The following RAB9B variants were observed in gnomAD, a reference collection of about 807,000 sequenced individuals.
The protein encoded by RAB9B is ras-related protein Rab-9B.
Under a neutral mutation model 8.9 loss-of-function variants are expected in RAB9B, and 1 was observed. The ratio of observed to expected loss-of-function variants is 0.11; its 90% CI spans 0.04 to 0.53. The LOEUF is 0.53. Ranked by LOEUF, RAB9B falls within the 20% of genes least tolerant of loss-of-function variation. The probability of loss-of-function intolerance (pLI) is 0.93; values close to 1 mark genes in which losing one functional copy is unlikely to be tolerated. For missense variants in RAB9B, 82 were observed against 152.9 expected (o/e 0.54, Z 2.45); for synonymous variants, 63 against 57.0 (o/e 1.10, Z -0.47).
chrX:103,803,727 T>C, the RAB9B span, among the ~76,000 whole-genome samples: 1 of 112,369 alleles, frequency 8.9e-6, no homozygotes, highest in Non-Finnish European at 1.9e-5. Context: ...TACATGCACA[T>C]GCCATCAGGC....
At chrX:103,828,092 T>C (rs1391462388) in intron 1 of RAB9B, among the ~76,000 whole-genome samples, 2 of 111,917 alleles carry the variant, frequency 1.8e-5, no homozygotes, top group African/African-American at 6.5e-5. Context: ...AGTACTGGTT[T>C]AAGAAGAAAA....
chrX:103,830,305 T>C (rs577604039), intron 1 of RAB9B, among the ~76,000 whole-genome samples: 2 of 111,252 alleles, frequency 1.8e-5, no homozygotes, highest in Admixed American at 1.9e-4. Flanking sequence ...TAAAAGCAAA[T>C]GAAATCATTT....
chrX:103,808,426 C>T, the RAB9B span, among the ~76,000 whole-genome samples: 1 of 112,266 alleles, frequency 8.9e-6, no homozygotes, highest in Non-Finnish European at 1.9e-5. Context: ...GAGCCGTAAA[C>T]TGTCAGGTCT....
the RAB9B span, chrX:103,786,052 G>C: frequency 1.4e-5 from 14 of 1,036,016 alleles, no homozygotes; most frequent in Middle Eastern, 6.4e-4. Flanking sequence ...CCAAGTTGGA[G>C]CCTCCAGCGT....
At chrX:103,803,353 T>A in the RAB9B span, among the ~76,000 whole-genome samples, 3 of 112,442 alleles carry the variant, frequency 2.7e-5, no homozygotes, top group African/African-American at 9.7e-5. Context: ...CACATCCTTG[T>A]CAACACTTGT....
At chrX:103,808,825 C>T in the RAB9B span, among the ~76,000 whole-genome samples, 1 of 113,067 alleles carries the variant, frequency 8.8e-6, no homozygotes, top group African/African-American at 3.2e-5. Flanking sequence ...GGAAATGCAC[C>T]TTTGCCTGTG....
At position 103,825,703 on chromosome X, in the gene RAB9B, C is replaced by G; in HGVS notation, c.82G>C (p.Val28Leu). ...GCCTGGGAGTCAAATTTGTTGGTTA[C>G]GTAACGGTTCATAAGCGAACTTTTC... The part of the protein sequence containing the change: ...VGKSSLMNRY[V>L]TNKFDSQAFH... The change falls in exon 3 of 3, where the codon GTA (valine) becomes CTA (leucine). Residue 28 changes from valine to leucine, a missense_variant. Physicochemically the swap from Val to Leu is conservative, Grantham distance 32. Transcript: ENST00000243298. 8.3e-7 allele frequency: 1 copy of G among 1,208,212 alleles called. No homozygotes were observed. Among genetic ancestry groups the G allele is most frequent in the Non-Finnish European group, 1.1e-6 (1 of 892,824 alleles).
At chrX:103,789,378 G>T in the RAB9B span, 1 of 1,206,500 alleles carries the variant, frequency 8.3e-7, no homozygotes, top group African/African-American at 1.7e-5. Context: ...TGTGGGGGCT[G>T]CAGCTACACT....
the RAB9B span, among the ~76,000 whole-genome samples, chrX:103,809,327 T>A: frequency 9.0e-6 from 1 of 111,626 alleles, no homozygotes; most frequent in South Asian, 3.8e-4. Context: ...TTTTATGGAG[T>A]TTTGCTCTTG....
the RAB9B span, among the ~76,000 whole-genome samples, chrX:103,795,257 T>C: frequency 9.4e-6 from 1 of 106,550 alleles, no homozygotes; most frequent in African/African-American, 3.5e-5. Flanking sequence ...AAGAGTCATG[T>C]TAAAAAAAAA....
chrX:103,798,379 C>G, the RAB9B span, among the ~76,000 whole-genome samples: 2 of 111,411 alleles, frequency 1.8e-5, no homozygotes, highest in African/African-American at 6.5e-5. Flanking sequence ...ACTGAATATG[C>G]CTCATTAATT....
At chrX:103,794,589 A>G in the RAB9B span, among the ~76,000 whole-genome samples, 2 of 112,259 alleles carry the variant, frequency 1.8e-5, no homozygotes, top group South Asian at 3.8e-4. Context: ...AATTTATACA[A>G]CAACAACAAA....
At chrX:103,778,131 A>G in the RAB9B span, among the ~76,000 whole-genome samples, 1 of 112,191 alleles carries the variant, frequency 8.9e-6, no homozygotes, top group Admixed American at 9.4e-5. Flanking sequence ...CTTATGAACT[A>G]TGTGACCTTG....
the RAB9B span, among the ~76,000 whole-genome samples, chrX:103,811,049 G>T: frequency 1.8e-5 from 2 of 111,772 alleles, no homozygotes; most frequent in African/African-American, 6.5e-5. Flanking sequence ...GGACCAAGGA[G>T]TGGAAGTCAT....
chrX:103,790,880 G>A, the RAB9B span: 86 of 355,062 alleles, frequency 2.4e-4, no homozygotes, highest in East Asian at 3.3e-3. Flanking sequence ...AGGAATGGAG[G>A]CTCTAATTGA....
the RAB9B span, among the ~76,000 whole-genome samples, chrX:103,777,157 C>T: frequency 5.4e-5 from 6 of 112,130 alleles, no homozygotes; most frequent in East Asian, 1.7e-3. Context: ...AGATTAACTC[C>T]TTCTCCGCTG....
the RAB9B span, among the ~76,000 whole-genome samples, chrX:103,785,236 C>A: frequency 9.0e-6 from 1 of 110,894 alleles, no homozygotes; most frequent in Non-Finnish European, 1.9e-5. Flanking sequence ...ACGCCCATGC[C>A]CGGCTAATTT....
the RAB9B span, among the ~76,000 whole-genome samples, chrX:103,790,183 A>C: frequency 1.8e-5 from 2 of 112,259 alleles, no homozygotes; most frequent in Non-Finnish European, 3.8e-5. Flanking sequence ...CAAGCACCCT[A>C]TGACTCTAAG....
chrX:103,817,901 A>G (rs2074645876), downstream of RAB9B, among the ~76,000 whole-genome samples: 1 of 111,545 alleles, frequency 9.0e-6, no homozygotes, highest in Admixed American at 9.6e-5. Context: ...AGTCTCGAGT[A>G]TAATCAGAAA....
Sources: gnomAD v4.1 joint callset for allele counts (sites outside exome capture counted in the v4.1 genomes callset) on GRCh38, gnomAD v4.1.1 for gene constraint, MANE v1.5 for transcripts, NCBI Gene and HGNC (gene_info 2026-07-23, HGNC 2026-07-21) for gene names.